Variants in SH2D4B observed in about 807,000 individuals in gnomAD.
SH2D4B encodes the protein SH2 domain containing 4B.
Under a neutral mutation model 61.5 loss-of-function variants are expected in SH2D4B, and 45 were observed. That is an observed-to-expected ratio of 0.73 (90% CI 0.58 to 0.94). The LOEUF is 0.94. SH2D4B is among the 40% of genes least tolerant of loss of function. The pLI, the probability that SH2D4B is intolerant of heterozygous loss-of-function variation, is 0.00. For synonymous variants in SH2D4B, 224 were observed against 220.4 expected, an observed-to-expected ratio of 1.02 and a Z score of -0.14; for missense variants, 572 against 574.2, an observed-to-expected ratio of 1.00 and a Z score of 0.04.
At chr10:80,580,633 A>G (rs961927570) in intron 3 of SH2D4B, among the ~76,000 whole-genome samples, 1 of 152,176 alleles carries the variant, frequency 6.6e-6, no homozygotes, top group East Asian at 1.9e-4. Flanking sequence ...GTTTCTCATG[A>G]GTCCCCTTGG....
chr10:80,540,243 C>T (rs1023344485), intron 1 of SH2D4B, among the ~76,000 whole-genome samples: 2 of 152,138 alleles, frequency 1.3e-5, no homozygotes, highest in African/African-American at 4.8e-5. Flanking sequence ...GGTCAGGATC[C>T]CGCTTGGATC....
At chr10:80,606,080 C>T (rs1250637856) in intron 5 of SH2D4B, among the ~76,000 whole-genome samples, 1 of 152,054 alleles carries the variant, frequency 6.6e-6, no homozygotes, top group Non-Finnish European at 1.5e-5. Flanking sequence ...CAGCCTCTCT[C>T]CTATAGCCGC....
At chr10:80,572,997 T>G (rs1842080554) in intron 3 of SH2D4B, among the ~76,000 whole-genome samples, 1 of 60,476 alleles carries the variant, frequency 1.7e-5, no homozygotes, top group Non-Finnish European at 3.6e-5. Flanking sequence ...TTTTTTTTTT[T>G]TTTTTTTTTT....
intron 6 of SH2D4B, among the ~76,000 whole-genome samples, chr10:80,618,669 GTGT>G (rs1842684706): frequency 6.6e-6 from 1 of 152,212 alleles, no homozygotes; most frequent in East Asian, 1.9e-4. Context: ...GGTAATGGAG[GTGT>G]TGTCAGCCGT....
At chr10:80,563,287 A>G (rs1841929623) in intron 1 of SH2D4B, among the ~76,000 whole-genome samples, 1 of 152,060 alleles carries the variant, frequency 6.6e-6, no homozygotes, top group African/African-American at 2.4e-5. Context: ...CCAATTTTTT[A>G]AATTGGGTTA....
chr10:80,544,656 A>C (rs1024138097), intron 1 of SH2D4B, among the ~76,000 whole-genome samples: 2 of 152,190 alleles, frequency 1.3e-5, no homozygotes, highest in Non-Finnish European at 2.9e-5. Flanking sequence ...GGACCCCTGC[A>C]TGGAGCCCTG....
chr10:80,588,632 GAAAGAGGAAGA>G lies in SH2D4B; in HGVS notation c.499_509del (p.Lys167GlyfsTer35). On this transcript the variant is annotated frameshift_variant, in exon 4 of 8. Coordinates refer to ENST00000646907, the MANE Select transcript of SH2D4B (RefSeq NM_001388272.1). LOFTEE classifies it high-confidence loss of function. ...GTTCTGTTCCCATGACATTTTAGAG[GAAAGAGGAAGA>G]GGAGAGGAAGCGAGGAGAAGAGCAG... 1 of 1,613,750 alleles carries G rather than the reference GAAAGAGGAAGA, an allele frequency of 6.2e-7. No homozygotes were observed. Among genetic ancestry groups the G allele is most frequent in the Non-Finnish European group, 8.5e-7 (1 of 1,179,982 alleles).
intron 3 of SH2D4B, among the ~76,000 whole-genome samples, chr10:80,571,840 T>C (rs1244958386): frequency 6.7e-6 from 1 of 150,202 alleles, no homozygotes; most frequent in Non-Finnish European, 1.5e-5. Context: ...TGGCGCAGTC[T>C]CGGCTCACTG....
intron 3 of SH2D4B, among the ~76,000 whole-genome samples, chr10:80,587,921 C>G (rs1312315350): frequency 6.6e-6 from 1 of 152,194 alleles, no homozygotes; most frequent in Non-Finnish European, 1.5e-5. Flanking sequence ...GAGGACGTGA[C>G]TTCATTCTGT....
At chr10:80,546,944 C>T (rs143992608) in intron 1 of SH2D4B, among the ~76,000 whole-genome samples, 1 of 152,266 alleles carries the variant, frequency 6.6e-6, no homozygotes, top group Non-Finnish European at 1.5e-5. Flanking sequence ...TATTCTTCCC[C>T]ATGGTTTTGT....
chr10:80,643,552 G>A (rs1411900508), intron 7 of SH2D4B, among the ~76,000 whole-genome samples: 1 of 152,040 alleles, frequency 6.6e-6, no homozygotes, highest in Non-Finnish European at 1.5e-5. Context: ...GGAGTTGACC[G>A]TGAGTGGCTC....
chr10:80,566,123 G>GAAAAA (rs1841965598), intron 1 of SH2D4B, among the ~76,000 whole-genome samples: 1 of 132,134 alleles, frequency 7.6e-6, no homozygotes, highest in African/African-American at 2.9e-5. Context: ...AAAAAAGAGT[G>GAAAAA]AAGAGGGAAG....
At chr10:80,607,939 C>T (rs1393627762) in intron 5 of SH2D4B, among the ~76,000 whole-genome samples, 1 of 152,176 alleles carries the variant, frequency 6.6e-6, no homozygotes, top group African/African-American at 2.4e-5. Flanking sequence ...CTCTGTTGCC[C>T]AGGCTGGAGT....
intron 1 of SH2D4B, among the ~76,000 whole-genome samples, chr10:80,558,953 T>C (rs1841870712): frequency 6.6e-6 from 1 of 152,248 alleles, no homozygotes; most frequent in South Asian, 2.1e-4. Context: ...TGAAGATTTA[T>C]GCTTATATCT....
intron 7 of SH2D4B, among the ~76,000 whole-genome samples, chr10:80,636,136 T>G (rs917365725): frequency 2.6e-5 from 4 of 152,244 alleles, no homozygotes; most frequent in African/African-American, 9.6e-5. Flanking sequence ...CTCATCCTTT[T>G]TTATGGCTGC....
At chr10:80,548,692 C>T (rs951214352) in intron 1 of SH2D4B, among the ~76,000 whole-genome samples, 1 of 152,238 alleles carries the variant, frequency 6.6e-6, no homozygotes, top group South Asian at 2.1e-4. Context: ...AGAGCCAGGT[C>T]ATGCTCGTCT....
intron 5 of SH2D4B, among the ~76,000 whole-genome samples, chr10:80,608,547 G>T (rs913550506): frequency 6.6e-6 from 1 of 152,160 alleles, no homozygotes; most frequent in African/African-American, 2.4e-5. Context: ...AGTGCAGGGG[G>T]GTCTCATGTG....
intron 4 of SH2D4B, among the ~76,000 whole-genome samples, chr10:80,599,508 T>TC (rs1338542111): frequency 2.6e-5 from 4 of 152,108 alleles, no homozygotes; most frequent in African/African-American, 7.2e-5. Context: ...GCTTTATGGT[T>TC]CCCCAAAGCT....
chr10:80,540,744 C>T, intron 1 of SH2D4B: 1 of 1,362,876 alleles, frequency 7.3e-7, no homozygotes, highest in Non-Finnish European at 1.0e-6. Context: ...TGGGGCAGTG[C>T]TTGTCCTGGA....
Sources: allele counts gnomAD v4.1 joint callset (sites outside exome capture counted in the v4.1 genomes callset), GRCh38; gene constraint gnomAD v4.1.1; transcripts MANE v1.5; gene names NCBI Gene and HGNC (gene_info 2026-07-23, HGNC 2026-07-21).